The following BEND4 variants were observed in gnomAD, a reference collection of about 807,000 sequenced individuals.
BEND4 encodes BEN domain-containing protein 4.
BEND4 carries 27 observed loss-of-function variants against 54.7 expected under a neutral mutation model. The observed-to-expected ratio is 0.49, with a 90% CI of 0.36 to 0.68. BEND4 has a LOEUF of 0.68. BEND4 is among the 30% of genes least tolerant of loss of function. BEND4 has a pLI of 0.00. For missense variants in BEND4, 702 were observed against 697.2 expected (o/e 1.01, Z -0.08); for synonymous variants, 327 against 299.5 (o/e 1.09, Z -0.95).
chr4:42,136,197 T>A (rs1480768759), intron 3 of BEND4, among the ~76,000 whole-genome samples: 1 of 152,148 alleles, frequency 6.6e-6, no homozygotes, highest in Non-Finnish European at 1.5e-5. Context: ...CTTGTGGGTA[T>A]TTTCAAGTTT....
At chr4:42,127,662 GTGCTGAGTA>G (rs2153145503) in intron 3 of BEND4, among the ~76,000 whole-genome samples, 2 of 152,352 alleles carry the variant, frequency 1.3e-5, no homozygotes, top group South Asian at 4.1e-4. Context: ...CTTCTACACA[GTGCTGAGTA>G]TGAGGCTCCA....
Position 42,151,651 on chromosome 4 carries a change from T to G in BEND4, c.487+6A>C. ...CGGGAAGGAAAGTTGTGCGGAGAGT[T>G]GGTACCTGCGCTGAGCTCCAGGCTG... On this transcript the variant is annotated splice_donor_region_variant and intron_variant, in intron 2 of 5. Transcript: ENST00000502486. The G allele has an allele frequency of 6.9e-7, 1 of 1,459,072 alleles. No individual in the cohort carries two copies. Among genetic ancestry groups the G allele is most frequent in the Non-Finnish European group, 9.0e-7 (1 of 1,111,520 alleles). The allele number at this position is 1,459,072 out of a possible 1,614,324, so 90.4% of individuals were successfully genotyped here. A position where few individuals can be genotyped will look rare whatever the true frequency, so the allele number is the denominator to read the frequency against.
chr4:42,152,301 T>C lies in BEND4; in HGVS notation c.-158A>G. ...GGCCGCCGCCGCCGCCGCCTGTCGC[T>C]GAGGCTGGCATCGCCGAGCCCCCGC... On this transcript the variant is annotated 5_prime_UTR_variant, in exon 2 of 6. Transcript: ENST00000502486. 1 of 683,254 alleles carries C rather than the reference T, an allele frequency of 1.5e-6. No homozygotes were observed. The highest frequency in any genetic ancestry group is 2.0e-6 in the Non-Finnish European group (1 of 496,546). The allele number at this position is 683,254 out of a possible 1,614,324, so 42.3% of individuals were successfully genotyped here.
intron 3 of BEND4, among the ~76,000 whole-genome samples, chr4:42,141,274 G>A (rs1341563360): frequency 6.6e-6 from 1 of 152,208 alleles, no homozygotes; most frequent in Non-Finnish European, 1.5e-5. Flanking sequence ...AAAATGTTCT[G>A]AACCAAGCCT....
rs775634978 is a variant in BEND4 at position 42,115,611 on chromosome 4, C to CT, written c.*1906dup. 2.0e-5 allele frequency: 3 copies of CT among 152,136 alleles called. No individual in the cohort carries two copies. The highest frequency in any genetic ancestry group is 4.4e-5 in the Non-Finnish European group (3 of 68,030). 9.4% of individuals were successfully genotyped at this position (152,136 alleles called of 1,614,324 possible). ...AGGTAAGATGGAAAAACAGATGAGG[C>CT]TATGGTGGTGTTTTTCTTCTAGCGA... On this transcript the variant is annotated 3_prime_UTR_variant, in exon 6 of 6. Transcript: ENST00000502486.
chr4:42,143,415 T>C lies in BEND4; in HGVS notation c.1054+13A>G. On this transcript the variant is annotated intron_variant, in intron 3 of 5. Coordinates refer to ENST00000502486, the MANE Select transcript of BEND4 (RefSeq NM_207406.4). ...AGGGTTGCAGTTGTCTTGCAAGGAA[T>C]ATGGCAGGATACCTGGGATGCTCTC... 1 of 1,547,000 alleles carries C rather than the reference T, an allele frequency of 6.5e-7. No homozygotes were observed.
Position 42,113,153 on chromosome 4 carries a change from A to G in BEND4, c.*4365T>C, listed in dbSNP as rs990169460. 3 of 152,224 alleles carry G rather than the reference A, an allele frequency of 2.0e-5. No individual in the cohort carries two copies. The highest frequency in any genetic ancestry group is 2.1e-4 in the South Asian group (1 of 4,830). The allele number at this position is 152,224 out of a possible 1,614,324, so 9.4% of individuals were successfully genotyped here. A position where few individuals can be genotyped will look rare whatever the true frequency, so the allele number is the denominator to read the frequency against. On this transcript the variant is annotated 3_prime_UTR_variant, in exon 6 of 6. Coordinates refer to ENST00000502486, the MANE Select transcript of BEND4 (RefSeq NM_207406.4). The stretch of plus-strand genomic sequence containing the variant: ...AACATACACCAGCAAGACTTGCACC[A>G]TATGTGCAAAATCATTTTCTATTAC...
rs1443896876 is a variant in BEND4 at position 42,110,861 on chromosome 4, G to C, written c.*6657C>G. ...CAAGCAAAACTCTTAGCTTCAGGGA[G>C]AGAAAAGTTATGTATTCAAAGAAAC... On this transcript the variant is annotated 3_prime_UTR_variant, in exon 6 of 6. Transcript: ENST00000502486. 1.3e-5 allele frequency: 2 copies of C among 152,162 alleles called. No homozygotes were observed. Among genetic ancestry groups the C allele is most frequent in the African/African-American group, 4.8e-5 (2 of 41,422 alleles). The allele number at this position is 152,162 out of a possible 1,614,324, so 9.4% of individuals were successfully genotyped here.
intron 5 of BEND4, 135 bp downstream of exon 5, chr4:42,119,919 G>T: frequency 9.1e-7 from 1 of 1,093,292 alleles, no homozygotes; most frequent in Non-Finnish European, 1.4e-6. Flanking sequence ...TGAGTAGATG[G>T]GCCACATGAA....
intron 3 of BEND4, among the ~76,000 whole-genome samples, chr4:42,129,262 A>G (rs1489708283): frequency 1.3e-5 from 2 of 152,246 alleles, no homozygotes; most frequent in Non-Finnish European, 2.9e-5. Flanking sequence ...CCACTGCTTA[A>G]GAAAATCAGA....
chr4:42,145,002 T>C (rs1721026525), intron 2 of BEND4, among the ~76,000 whole-genome samples: 1 of 152,210 alleles, frequency 6.6e-6, no homozygotes, highest in Non-Finnish European at 1.5e-5. Flanking sequence ...AGGATGTCTC[T>C]TATTTCCTCT....
chr4:42,145,470 A>G (rs1721043092), intron 2 of BEND4, among the ~76,000 whole-genome samples: 1 of 152,090 alleles, frequency 6.6e-6, no homozygotes, highest in Non-Finnish European at 1.5e-5. Flanking sequence ...CAAGGTGGGC[A>G]GATCACGAGG....
chr4:42,131,929 T>C (rs1720520629), intron 3 of BEND4, among the ~76,000 whole-genome samples: 1 of 152,104 alleles, frequency 6.6e-6, no homozygotes, highest in African/African-American at 2.4e-5. Context: ...CTGCAAAGGA[T>C]TTGGAAAATC....
intron 3 of BEND4, among the ~76,000 whole-genome samples, chr4:42,132,779 T>C (rs1170237686): frequency 6.6e-6 from 1 of 152,064 alleles, no homozygotes; most frequent in Non-Finnish European, 1.5e-5. Context: ...ACTCTCACGG[T>C]GAAACTACTA....
chr4:42,111,957 G>A lies in BEND4; in HGVS notation c.*5561C>T, dbSNP rs979042527. ...TCTGGTCTTCATCATAGGATCTTAC[G>A]TAGGTCAAGCCTTATACAGAAACCT... On this transcript the variant is annotated 3_prime_UTR_variant, in exon 6 of 6. Coordinates refer to ENST00000502486, the MANE Select transcript of BEND4 (RefSeq NM_207406.4). 6.6e-6 allele frequency: 1 copy of A among 152,292 alleles called. No homozygotes were observed. The highest frequency in any genetic ancestry group is 2.4e-5 in the African/African-American group (1 of 41,548). The allele number at this position is 152,292 out of a possible 1,614,324, so 9.4% of individuals were successfully genotyped here. A position where few individuals can be genotyped will look rare whatever the true frequency, so the allele number is the denominator to read the frequency against.
intron 2 of BEND4, among the ~76,000 whole-genome samples, chr4:42,147,993 T>C (rs1356250744): frequency 6.6e-6 from 1 of 152,166 alleles, no homozygotes; most frequent in East Asian, 1.9e-4. Context: ...AACCTTTTGA[T>C]TTTAGCCCAG....
At chr4:42,123,928 G>C (rs1001800775) in intron 4 of BEND4, among the ~76,000 whole-genome samples, 5 of 152,174 alleles carry the variant, frequency 3.3e-5, no homozygotes, top group African/African-American at 1.2e-4. Context: ...ATTCAGAATA[G>C]GTGTGGTGAG....
chr4:42,114,136 AAG>A lies in BEND4; in HGVS notation c.*3380_*3381del, dbSNP rs1353216138. 5 of 152,218 alleles carry A rather than the reference AAG, an allele frequency of 3.3e-5. No individual in the cohort carries two copies. The highest frequency in any genetic ancestry group is 7.3e-5 in the Non-Finnish European group (5 of 68,040). 9.4% of individuals were successfully genotyped at this position (152,218 alleles called of 1,614,324 possible). A position where few individuals can be genotyped will look rare whatever the true frequency, so the allele number is the denominator to read the frequency against. On this transcript the variant is annotated 3_prime_UTR_variant, in exon 6 of 6. Coordinates refer to ENST00000502486, the MANE Select transcript of BEND4 (RefSeq NM_207406.4). ...ATGAGATTTTGAACAATGCACCGTC[AAG>A]AGTCAGTGAGAAATGTGACTTTAGT...
In BEND4 at chr4:42,151,827, G is replaced by T. The variant is rs1028364365; in HGVS notation, c.317C>A (p.Pro106His). Reference sequence around the variant, plus strand: ...CCTCAAGTGGCCCTGGGATGTGGCGGGCGTGCAGGACGGCGACGACGACGA... The same window carrying T: ...CCTCAAGTGGCCCTGGGATGTGGCGTGCGTGCAGGACGGCGACGACGACGA... Reference protein sequence around the residue: ...AASSSSPSCTPATSQGHLRTP... With the variant: ...AASSSSPSCTHATSQGHLRTP... Residue 106 changes from proline to histidine, a missense_variant, in exon 2 of 6, where the codon CCC (proline) becomes CAC (histidine). By Grantham distance (77) the Pro-to-His change is moderately conservative (BLOSUM62 -2). Coordinates refer to ENST00000502486, the MANE Select transcript of BEND4 (RefSeq NM_207406.4). The T allele has an allele frequency of 2.8e-6, 4 of 1,410,284 alleles. No homozygotes were observed. The African/African-American group carries it at 6.1e-5, about 22-fold the overall frequency. The allele number at this position is 1,410,284 out of a possible 1,614,324, so 87.4% of individuals were successfully genotyped here. A position where few individuals can be genotyped will look rare whatever the true frequency, so the allele number is the denominator to read the frequency against.
Sources: gnomAD v4.1 joint callset for allele counts (sites outside exome capture counted in the v4.1 genomes callset) on GRCh38, gnomAD v4.1.1 for gene constraint, MANE v1.5 for transcripts, NCBI Gene and HGNC (gene_info 2026-07-23, HGNC 2026-07-21) for gene names.